Variants in BBS9 observed in about 807,000 individuals in gnomAD.
BBS9 encodes Bardet-Biedl syndrome 9.
BBS9 carries 89 observed loss-of-function variants against 117.7 expected under a neutral mutation model. The ratio of observed to expected loss-of-function variants is 0.76; its 90% confidence interval spans 0.64 to 0.90. The LOEUF is 0.90. Ranked by LOEUF, BBS9 falls within the 40% of genes least tolerant of loss-of-function variation. The pLI is 0.00. For synonymous variants in BBS9, 379 were observed against 370.9 expected (o/e 1.02, Z -0.25); for missense variants, 982 against 1,042.2 (o/e 0.94, Z 0.80).
chr7:33,596,204 A>G (rs139508802), intron 21 of BBS9, among the ~76,000 whole-genome samples: 13 of 150,916 alleles, frequency 8.6e-5, no homozygotes, highest in South Asian at 2.1e-4. Flanking sequence ...AAAAAACCCA[A>G]CAATTTCACA....
chr7:33,631,882 G>A (rs150889052), intron 21 of BBS9, among the ~76,000 whole-genome samples: 2 of 152,272 alleles, frequency 1.3e-5, no homozygotes, highest in African/African-American at 4.8e-5. Context: ...GCCTGGAGAG[G>A]GAGGCTGTGC....
chr7:33,575,022 C>T (rs1172124594), intron 21 of BBS9, among the ~76,000 whole-genome samples: 4 of 151,954 alleles, frequency 2.6e-5, no homozygotes, highest in Non-Finnish European at 1.5e-5. Flanking sequence ...CTGGCTTCTA[C>T]TATTATGTAA....
Position 33,336,480 on chromosome 7 carries a change from T to A in BBS9, c.1056T>A (p.Gly352=), listed in dbSNP as rs1815379840. 6.2e-6 allele frequency: 10 copies of A among 1,613,806 alleles called. No individual in the cohort carries two copies. The highest frequency in any genetic ancestry group is 8.5e-6 in the Non-Finnish European group (10 of 1,179,880). ...TGATAGTCACTCTGAGTGATGATGGTCACTTGCAGTGTTCATACCTGGGGA... is the reference window on the plus strand; with the variant it reads ...TGATAGTCACTCTGAGTGATGATGGACACTTGCAGTGTTCATACCTGGGGA... ...KGVIVTLSDD[G]HLQCSYLGTD... is the part of the protein sequence containing the mutation. Residue 352 remains glycine (G), a synonymous_variant, in exon 10 of 23, where the codon GGT becomes GGA. Transcript: ENST00000242067.
intron 7 of BBS9, among the ~76,000 whole-genome samples, chr7:33,270,817 A>G (rs1014374650): frequency 2.0e-5 from 3 of 152,166 alleles, no homozygotes; most frequent in African/African-American, 2.4e-5. Flanking sequence ...AAATTCCCCA[A>G]CCTCACTAGA....
chr7:33,166,830 G>C (rs28764825), intron 4 of BBS9, among the ~76,000 whole-genome samples: 22,952 of 152,206 alleles, frequency 0.15, 1,993 homozygotes, highest in South Asian at 0.21. Flanking sequence ...CCAACCCCTT[G>C]CACTTCCTGG....
chr7:33,568,352 TC>T (rs1285185597), intron 21 of BBS9, among the ~76,000 whole-genome samples: 1 of 152,150 alleles, frequency 6.6e-6, no homozygotes, highest in Non-Finnish European at 1.5e-5. Flanking sequence ...CTTGCTGACA[TC>T]CCCACTTCCT....
At chr7:33,269,788 G>A (rs1438845169) in intron 7 of BBS9, among the ~76,000 whole-genome samples, 10 of 151,824 alleles carry the variant, frequency 6.6e-5, no homozygotes, top group Non-Finnish European at 1.3e-4. Context: ...ACTTTGGGAG[G>A]CCGAGGCAGG....
At chr7:33,632,050 G>A (rs10250216) in intron 21 of BBS9, among the ~76,000 whole-genome samples, 87,003 of 152,062 alleles carry the variant, frequency 0.57, 27,982 homozygotes, top group Non-Finnish European at 0.74. Context: ...GCTGGAAACC[G>A]TAGGGAAGAA....
chr7:33,461,651 C>T (rs2128934888), intron 19 of BBS9, among the ~76,000 whole-genome samples: 1 of 151,950 alleles, frequency 6.6e-6, no homozygotes, highest in East Asian at 1.9e-4. Context: ...CATATGACTT[C>T]ATGAAAATGA....
intron 21 of BBS9, among the ~76,000 whole-genome samples, chr7:33,559,502 C>T (rs537848311): frequency 3.3e-5 from 5 of 151,862 alleles, no homozygotes; most frequent in African/African-American, 4.8e-5. Context: ...CTTGACTGGC[C>T]GAAGCTTCAG....
At position 33,388,185 on chromosome 7, in the gene BBS9, AC is replaced by A. The variant is rs537810119; in HGVS notation, c.2115+42del. 7.9e-4 allele frequency: 1,274 copies of A among 1,606,770 alleles called. 10 individuals carry two copies. In the Middle Eastern group the frequency reaches 0.011, roughly 14 times the overall value. ...GTAACAGTTTTCTATTACTGGCTAT[AC>A]TTTTTTTTGTCACCCTAGAGTCATG... On this transcript the variant is annotated intron_variant, in intron 19 of 22. Coordinates refer to ENST00000242067, the MANE Select transcript of BBS9 (RefSeq NM_198428.3).
intron 19 of BBS9, among the ~76,000 whole-genome samples, chr7:33,447,251 CACA>C (rs1303914434): frequency 2.0e-5 from 3 of 152,182 alleles, no homozygotes; most frequent in South Asian, 2.1e-4. Context: ...AGATTGATAT[CACA>C]ACAAGAGGCT....
At chr7:33,258,320 G>A (rs1163100923) in intron 6 of BBS9, among the ~76,000 whole-genome samples, 1 of 152,102 alleles carries the variant, frequency 6.6e-6, no homozygotes, top group African/African-American at 2.4e-5. Flanking sequence ...AATTCATCAG[G>A]CAACAGATGT....
At chr7:33,389,283 A>T (rs571361721) in intron 19 of BBS9, among the ~76,000 whole-genome samples, 14 of 152,208 alleles carry the variant, frequency 9.2e-5, no homozygotes, top group Non-Finnish European at 1.3e-4. Context: ...GCCCCACTCC[A>T]TTCTGTTGAT....
intron 21 of BBS9, among the ~76,000 whole-genome samples, chr7:33,576,103 AG>A (rs1858808809): frequency 6.6e-6 from 1 of 152,198 alleles, no homozygotes; most frequent in South Asian, 2.1e-4. Flanking sequence ...TTAGGAAAAA[AG>A]GAAGTCAAAT....
chr7:33,605,202 A>AC lies in BBS9; in HGVS notation c.2644dup (p.Leu882ProfsTer15). 6.2e-7 allele frequency: 1 copy of AC among 1,612,096 alleles called. No individual in the cohort carries two copies. Among genetic ancestry groups the AC allele is most frequent in the Non-Finnish European group, 8.5e-7 (1 of 1,178,588 alleles). On this transcript the variant is annotated frameshift_variant, in exon 23 of 23. Coordinates refer to ENST00000242067, the MANE Select transcript of BBS9 (RefSeq NM_198428.3). LOFTEE classifies it high-confidence loss of function. ...TACTCTCTTTTTTTCCAGAAGTTTC[A>AC]CCCCTCCAAGGAGTCTCGGAATAAT...
At chr7:33,548,950 A>G (rs1585214611) in intron 21 of BBS9, among the ~76,000 whole-genome samples, 1 of 151,660 alleles carries the variant, frequency 6.6e-6, no homozygotes, top group East Asian at 1.9e-4. Flanking sequence ...TGCAACCAAA[A>G]AAGAGCCTGC....
intron 9 of BBS9, among the ~76,000 whole-genome samples, chr7:33,317,240 T>C (rs1810704319): frequency 6.6e-6 from 1 of 152,220 alleles, no homozygotes; most frequent in African/African-American, 2.4e-5. Context: ...CCACATTGTC[T>C]TGATTACTGT....
At chr7:33,617,890 G>A (rs1180922023) in intron 21 of BBS9, among the ~76,000 whole-genome samples, 1 of 152,154 alleles carries the variant, frequency 6.6e-6, no homozygotes, top group Non-Finnish European at 1.5e-5. Context: ...TATAAGAATT[G>A]TGGGACATAA....
Sources: allele counts gnomAD v4.1 joint callset (sites outside exome capture counted in the v4.1 genomes callset), GRCh38; gene constraint gnomAD v4.1.1; transcripts MANE v1.5; gene names NCBI Gene and HGNC (gene_info 2026-07-23, HGNC 2026-07-21).